FBLN7: variants seen among roughly 807,000 people sequenced by gnomAD.
FBLN7 encodes fibulin 7, also known as fibulin-7.
In FBLN7, 31 loss-of-function variants were observed where a neutral mutation model predicts 44.0. The ratio of observed to expected loss-of-function variants is 0.70; its 90% CI spans 0.53 to 0.95. FBLN7 has a LOEUF of 0.95. FBLN7 is among the 40% of genes least tolerant of loss of function. FBLN7 has a pLI of 0.00. For synonymous variants in FBLN7, 262 were observed against 253.4 expected, an observed-to-expected ratio of 1.03 and a Z score of -0.32; for missense variants, 573 against 618.5, an observed-to-expected ratio of 0.93 and a Z score of 0.78.
rs1573842292 is a variant in FBLN7 at position 112,187,317 on chromosome 2, T to G, written c.1131T>G (p.Gly377=). Residue 377 remains glycine, a synonymous_variant, in exon 8 of 8, where the codon GGT becomes GGG. Coordinates refer to ENST00000331203, the MANE Select transcript of FBLN7 (RefSeq NM_153214.3). This position sits in a 1 kb window ranked among gnomAD's most constrained non-coding sequence, Gnocchi z 5.1. ...ACAGCCTGCGGTTTGGGATCGTGGG[T>G]GGGAACAGCCGCGGCCACTTTGTGA... is the stretch of plus-strand genomic sequence containing the variant. ...GPNSLRFGIV[G]GNSRGHFVMQ... 1 of 1,614,068 alleles carries G rather than the reference T, an allele frequency of 6.2e-7. No individual in the cohort carries two copies. Among genetic ancestry groups the G allele is most frequent in the South Asian group, 1.1e-5 (1 of 91,086 alleles).
chr2:112,166,960 T>C (rs933555786), intron 3 of FBLN7, among the ~76,000 whole-genome samples: 3 of 152,170 alleles, frequency 2.0e-5, no homozygotes, highest in Non-Finnish European at 2.9e-5. Flanking sequence ...GACAAGGCCT[T>C]CTTATCGCCC....
intron 1 of FBLN7, among the ~76,000 whole-genome samples, chr2:112,142,825 C>T (rs1254223637): frequency 6.6e-6 from 1 of 151,810 alleles, no homozygotes; most frequent in Non-Finnish European, 1.5e-5. Flanking sequence ...TGTGTACACA[C>T]CTTTTTTGCA....
At chr2:112,167,870 G>GTTATGTTATGTTAT (rs1553476218) in intron 3 of FBLN7, among the ~76,000 whole-genome samples, 7,686 of 45,832 alleles carry the variant, frequency 0.17, 296 homozygotes, top group Middle Eastern at 0.21. Context: ...GGAAAGACAC[G>GTTATGTTATGTTAT]TTATGTTATG....
chr2:112,151,532 C>T (rs1177056201), intron 1 of FBLN7: 4 of 152,182 alleles, frequency 2.6e-5, no homozygotes, highest in African/African-American at 9.7e-5. Flanking sequence ...CACAAGTCTC[C>T]TCGCCGCTGA....
chr2:112,166,663 C>T (rs568837946), intron 3 of FBLN7, among the ~76,000 whole-genome samples: 1 of 152,308 alleles, frequency 6.6e-6, no homozygotes, highest in South Asian at 2.1e-4. Flanking sequence ...TTAAGCACCT[C>T]CTGGGTGATA....
At chr2:112,171,676 G>A (rs1682468662) in intron 3 of FBLN7, among the ~76,000 whole-genome samples, 1 of 152,084 alleles carries the variant, frequency 6.6e-6, no homozygotes, top group Non-Finnish European at 1.5e-5. Flanking sequence ...CATCCAAGTC[G>A]CACATATTCA....
intron 2 of FBLN7, among the ~76,000 whole-genome samples, chr2:112,160,198 G>A (rs1336704533): frequency 1.3e-5 from 2 of 152,240 alleles, no homozygotes; most frequent in South Asian, 2.1e-4. Flanking sequence ...CACCTTGTTA[G>A]CCAGGATGGT....
At position 112,172,040 on chromosome 2, in the gene FBLN7, G is replaced by A. The variant is rs578139704; in HGVS notation, c.407-3674G>A. 3.3e-5 allele frequency among the ~76,000 whole-genome samples: 5 copies of A among 152,274 alleles called. No homozygotes were observed. In the South Asian group the frequency reaches 6.2e-4, roughly 19 times the overall value. ...AGGATTACAGGCGGCGCTAGCCACC[G>A]CACCCGACCATTAAGCATCTTAAAA... On this transcript the variant is annotated intron_variant, in intron 3 of 7. Transcript: ENST00000331203.
the FBLN7 span, among the ~76,000 whole-genome samples, chr2:112,235,415 AG>A: frequency 2.0e-5 from 3 of 152,218 alleles, no homozygotes; most frequent in African/African-American, 7.2e-5. Flanking sequence ...GAATATTGAC[AG>A]GGGGTTGAGA....
the FBLN7 span, chr2:112,238,188 T>A: frequency 7.1e-6 from 7 of 985,412 alleles, no homozygotes; most frequent in Non-Finnish European, 1.0e-5. Flanking sequence ...ATGTCTGGTA[T>A]AAATATTCAT....
the FBLN7 span, among the ~76,000 whole-genome samples, chr2:112,205,247 C>A: frequency 7.2e-5 from 11 of 151,938 alleles, no homozygotes; most frequent in Non-Finnish European, 1.2e-4. Flanking sequence ...GTATTTAACA[C>A]AAAAGAAGCC....
At chr2:112,222,929 A>G in the FBLN7 span, among the ~76,000 whole-genome samples, 1 of 152,246 alleles carries the variant, frequency 6.6e-6, no homozygotes. Context: ...AAGATGGTAA[A>G]TATTAGGTGT....
At chr2:112,221,289 C>G in the FBLN7 span, among the ~76,000 whole-genome samples, 1 of 152,024 alleles carries the variant, frequency 6.6e-6, no homozygotes, top group Admixed American at 6.5e-5. Context: ...TGGTACTGTC[C>G]TAGTGATAGT....
the FBLN7 span, among the ~76,000 whole-genome samples, chr2:112,243,393 T>C: frequency 1.3e-5 from 2 of 152,232 alleles, no homozygotes; most frequent in East Asian, 1.9e-4. Context: ...GCAATGTATA[T>C]GCTCAATTAA....
intron 3 of FBLN7, among the ~76,000 whole-genome samples, chr2:112,167,435 G>A (rs190612725): frequency 1.7e-4 from 26 of 152,238 alleles, no homozygotes; most frequent in Admixed American, 1.6e-3. Context: ...GTGTGTCCAC[G>A]AGCTTCCTTC....
chr2:112,239,322 G>C, the FBLN7 span, among the ~76,000 whole-genome samples: 1 of 152,140 alleles, frequency 6.6e-6, no homozygotes, highest in Non-Finnish European at 1.5e-5. Flanking sequence ...TAATTAGTAT[G>C]TATGACACAT....
Position 112,187,492 on chromosome 2 carries a change from C to G in FBLN7, c.1306C>G (p.Pro436Ala). The G allele has an allele frequency of 6.2e-7, 1 of 1,614,090 alleles. No individual in the cohort carries two copies. Among genetic ancestry groups the G allele is most frequent in the Non-Finnish European group, 8.5e-7 (1 of 1,180,006 alleles). Residue 436 changes from proline (P) to alanine (A), a missense_variant, in exon 8 of 8, where the codon CCC becomes GCC. Physicochemically the swap from Pro to Ala is conservative, Grantham distance 27. Transcript: ENST00000331203. The surrounding 1 kb of genome is among the most constrained non-coding windows in gnomAD (Gnocchi z 5.1). ...GTCCAAGGTCACCATCTTTGTATCCCCCTATGACTTCTGAGGGTACACAGG... is the reference window on the plus strand; with the variant it reads ...GTCCAAGGTCACCATCTTTGTATCCGCCTATGACTTCTGAGGGTACACAGG... ...HVSKVTIFVS[P>A]YDF
chr2:112,210,348 G>T, the FBLN7 span, among the ~76,000 whole-genome samples: 92 of 151,988 alleles, frequency 6.1e-4, no homozygotes, highest in African/African-American at 2.1e-3. Context: ...GTTGAAGAAG[G>T]TTGTTAAAAA....
chr2:112,140,373 G>T (rs914394970), intron 1 of FBLN7, among the ~76,000 whole-genome samples: 1 of 152,208 alleles, frequency 6.6e-6, no homozygotes, highest in Non-Finnish European at 1.5e-5. Flanking sequence ...GCGCGCAGGG[G>T]AGGCAGCACC....
Sources: allele counts gnomAD v4.1 joint callset (sites outside exome capture counted in the v4.1 genomes callset), GRCh38; gene constraint gnomAD v4.1.1; non-coding constraint Gnocchi (gnomAD v3.1); transcripts MANE v1.5; gene names NCBI Gene and HGNC (gene_info 2026-07-23, HGNC 2026-07-21).